The following ZBTB7C variants were observed in gnomAD, a reference collection of about 807,000 sequenced individuals.
ZBTB7C encodes zinc finger and BTB domain-containing protein 7C.
Under a neutral mutation model 25.7 loss-of-function variants are expected in ZBTB7C, and 8 were observed. The ratio of observed to expected loss-of-function variants is 0.31; its 90% CI spans 0.18 to 0.56. ZBTB7C has a LOEUF of 0.56. ZBTB7C is among the 20% of genes least tolerant of loss of function. ZBTB7C has a pLI of 0.91. For missense variants in ZBTB7C, 824 were observed against 855.2 expected (o/e 0.96, Z 0.46); for synonymous variants, 394 against 369.0 (o/e 1.07, Z -0.78).
intron 2 of ZBTB7C, among the ~76,000 whole-genome samples, chr18:48,216,113 C>T (rs1231498496): frequency 6.6e-6 from 1 of 152,208 alleles, no homozygotes; most frequent in Non-Finnish European, 1.5e-5. Flanking sequence ...ATGGAATCCC[C>T]TTGGCTGAGA....
intron 3 of ZBTB7C, among the ~76,000 whole-genome samples, chr18:48,163,796 C>T (rs1156508085): frequency 1.3e-5 from 2 of 152,202 alleles, no homozygotes; most frequent in Non-Finnish European, 2.9e-5. Context: ...GAGTCCATTT[C>T]ACGAATGCAA....
chr18:48,088,328 C>G (rs765240383), intron 3 of ZBTB7C: 1 of 152,186 alleles, frequency 6.6e-6, no homozygotes, highest in African/African-American at 2.4e-5. Flanking sequence ...ACACATTGCT[C>G]TAAGTCTGGG....
intron 3 of ZBTB7C, among the ~76,000 whole-genome samples, chr18:48,086,619 C>T (rs758583919): frequency 2.0e-5 from 3 of 152,178 alleles, no homozygotes; most frequent in East Asian, 1.9e-4. Flanking sequence ...TAAAGAGTAC[C>T]GCCTGTTCAG....
chr18:48,336,705 G>A (rs1420146237), intron 2 of ZBTB7C, among the ~76,000 whole-genome samples: 2 of 152,108 alleles, frequency 1.3e-5, no homozygotes, highest in African/African-American at 4.8e-5. Context: ...TTAGCCTCCT[G>A]AGACTACAAA....
At position 48,284,810 on chromosome 18, in the gene ZBTB7C, AACAG is replaced by A. The variant is rs1236206620; in HGVS notation, c.-79+53360_-79+53363del. On this transcript the variant is annotated intron_variant, in intron 2 of 4. Transcript: ENST00000590800. ...GGTCTCCAAAAAAAAAAAAAAAAAA[AACAG>A]AGAGAGAGAGAGAGAAGAAAGAAAC... Among the ~76,000 whole-genome samples the A allele has an allele frequency of 3.1e-3, 291 of 92,494 alleles. 4 individuals carry two copies. The highest frequency in any genetic ancestry group is 0.013 in the African/African-American group (277 of 21,986). 60.7% of individuals were successfully genotyped at this position (92,494 alleles called of 152,430 possible).
At chr18:48,081,787 G>T (rs1402165537) in intron 3 of ZBTB7C, among the ~76,000 whole-genome samples, 1 of 152,068 alleles carries the variant, frequency 6.6e-6, no homozygotes, top group African/African-American at 2.4e-5. Context: ...GCCACACGAG[G>T]CTATTAAGCA....
intron 1 of ZBTB7C, among the ~76,000 whole-genome samples, chr18:48,360,486 G>A (rs1290641204): frequency 6.6e-6 from 1 of 152,246 alleles, no homozygotes; most frequent in East Asian, 1.9e-4. Flanking sequence ...TATGAGAGGA[G>A]CGTGGGAAGA....
chr18:48,315,717 G>A (rs2045932070), intron 2 of ZBTB7C, among the ~76,000 whole-genome samples: 1 of 152,122 alleles, frequency 6.6e-6, no homozygotes, highest in African/African-American at 2.4e-5. Flanking sequence ...CTGCACAATT[G>A]TGCTCCACCC....
Position 48,205,963 on chromosome 18 carries a change from G to C in ZBTB7C, c.-78-19968C>G, listed in dbSNP as rs145938245. ...TTACCTATTTACTTAGTGGCCAAGA[G>C]AAGTCAGGCAGCAGCCAAATGAGAA... On this transcript the variant is annotated intron_variant, in intron 2 of 4. Coordinates refer to ENST00000590800, the MANE Select transcript of ZBTB7C (RefSeq NM_001318841.2). 7.1e-3 allele frequency among the ~76,000 whole-genome samples: 1,076 copies of C among 152,308 alleles called. 11 individuals carry two copies. Among genetic ancestry groups the C allele is most frequent in the South Asian group, 0.02 (96 of 4,820 alleles).
chr18:48,342,845 G>A (rs956255511), intron 1 of ZBTB7C, among the ~76,000 whole-genome samples: 61 of 152,140 alleles, frequency 4.0e-4, no homozygotes, highest in Non-Finnish European at 5.9e-4. Flanking sequence ...AAGTGTTGCC[G>A]GACACACTTC....
chr18:48,313,452 T>C (rs1555738279), intron 2 of ZBTB7C, among the ~76,000 whole-genome samples: 1 of 152,156 alleles, frequency 6.6e-6, no homozygotes, highest in Non-Finnish European at 1.5e-5. Context: ...CAGCAGCGTT[T>C]TTAAACCCCC....
chr18:48,257,903 T>G (rs1201646718), intron 2 of ZBTB7C, among the ~76,000 whole-genome samples: 2 of 152,052 alleles, frequency 1.3e-5, no homozygotes, highest in Non-Finnish European at 1.5e-5. Flanking sequence ...GCATGGTAGC[T>G]TGCACCTATA....
chr18:48,101,744 G>A (rs142786193), intron 3 of ZBTB7C, among the ~76,000 whole-genome samples: 53 of 152,240 alleles, frequency 3.5e-4, no homozygotes, highest in Middle Eastern at 3.4e-3. Flanking sequence ...GTTACCAACC[G>A]GTATGGACTC....
At chr18:48,227,618 T>C (rs931706397) in intron 2 of ZBTB7C, among the ~76,000 whole-genome samples, 2 of 152,186 alleles carry the variant, frequency 1.3e-5, no homozygotes, top group East Asian at 1.9e-4. Flanking sequence ...CTATAGTGAA[T>C]AGGAAATAAA....
At chr18:48,352,716 T>G (rs921878531) in intron 1 of ZBTB7C, among the ~76,000 whole-genome samples, 1 of 152,106 alleles carries the variant, frequency 6.6e-6, no homozygotes, top group Non-Finnish European at 1.5e-5. Flanking sequence ...ACTTTACACA[T>G]GAACAAAACC....
At chr18:48,227,210 C>T (rs1280934374) in intron 2 of ZBTB7C, among the ~76,000 whole-genome samples, 1 of 152,182 alleles carries the variant, frequency 6.6e-6, no homozygotes, top group Non-Finnish European at 1.5e-5. Context: ...ACTGAAAGGC[C>T]ACTGTATTCT....
rs529255246 is a variant in ZBTB7C, at chr18:48,297,906, A to G, written c.-79+40268T>C. Among the ~76,000 whole-genome samples the G allele has an allele frequency of 1.7e-3, 255 of 152,306 alleles. 1 individual carries two copies. The highest frequency in any genetic ancestry group is 5.4e-3 in the African/African-American group (223 of 41,566). On this transcript the variant is annotated intron_variant, in intron 2 of 4. Transcript: ENST00000590800. ...CATTTGGGTATGGCCTGTGTCACAC[A>G]TTATATGCCTATGGTAGTTATGAAA... is the stretch of plus-strand genomic sequence containing the variant.
chr18:48,358,677 A>C (rs2047033513), intron 1 of ZBTB7C, among the ~76,000 whole-genome samples: 2 of 152,178 alleles, frequency 1.3e-5, no homozygotes, highest in Non-Finnish European at 2.9e-5. Flanking sequence ...AGTAACAACA[A>C]ACAACTCCCA....
At chr18:48,354,241 C>T (rs1046201918) in intron 1 of ZBTB7C, among the ~76,000 whole-genome samples, 1 of 152,046 alleles carries the variant, frequency 6.6e-6, no homozygotes, top group Non-Finnish European at 1.5e-5. Flanking sequence ...CCCAGGCTGG[C>T]CTCAAACTCC....
Sources: allele counts gnomAD v4.1 joint callset (sites outside exome capture counted in the v4.1 genomes callset), GRCh38; gene constraint gnomAD v4.1.1; transcripts MANE v1.5; gene names NCBI Gene and HGNC (gene_info 2026-07-23, HGNC 2026-07-21).